Variants in NRXN3 observed in about 807,000 individuals in gnomAD.
NRXN3 encodes neurexin 3.
In NRXN3, 32 loss-of-function variants were observed where a neutral mutation model predicts 137.6. That is an observed-to-expected ratio of 0.23 (90% CI 0.18 to 0.31). The LOEUF is 0.31. Among genes scored for constraint, NRXN3 ranks in the 10% least tolerant of loss-of-function variants. The pLI is 1.00. For missense variants in NRXN3, 1,574 were observed against 2,062.5 expected (o/e 0.76, Z 4.59); for synonymous variants, 798 against 784.5 (o/e 1.02, Z -0.29).
At chr14:78,890,508 G>A (rs1481716449) in intron 10 of NRXN3, among the ~76,000 whole-genome samples, 1 of 151,780 alleles carries the variant, frequency 6.6e-6, no homozygotes, top group African/African-American at 2.4e-5. Context: ...ATGGACCAAT[G>A]TTCTCCCAGC....
intron 19 of NRXN3, among the ~76,000 whole-genome samples, chr14:79,770,144 A>G (rs1693304281): frequency 6.6e-6 from 1 of 151,802 alleles, no homozygotes; most frequent in Non-Finnish European, 1.5e-5. Context: ...GTGACCTACA[A>G]AGAGACTTAG....
At chr14:79,333,782 C>G (rs1192651006) in intron 15 of NRXN3, among the ~76,000 whole-genome samples, 2 of 152,154 alleles carry the variant, frequency 1.3e-5, no homozygotes, top group African/African-American at 2.4e-5. Flanking sequence ...ACCTGATATT[C>G]TGAGGCTTTT....
intron 8 of NRXN3, among the ~76,000 whole-genome samples, chr14:78,762,269 T>TA (rs1406537869): frequency 3.7e-4 from 56 of 152,192 alleles, no homozygotes; most frequent in African/African-American, 1.3e-3. Flanking sequence ...CCCTGCCACC[T>TA]AATGCAAAGT....
intron 16 of NRXN3, among the ~76,000 whole-genome samples, chr14:79,512,676 T>G (rs1021073305): frequency 1.3e-5 from 2 of 152,172 alleles, no homozygotes; most frequent in Non-Finnish European, 2.9e-5. Flanking sequence ...AATAGTGGGA[T>G]TGCAGTAGAC....
At chr14:78,623,612 G>C (rs2097426623) in intron 4 of NRXN3, among the ~76,000 whole-genome samples, 1 of 152,118 alleles carries the variant, frequency 6.6e-6, no homozygotes, top group African/African-American at 2.4e-5. Context: ...AGTTGCCCAG[G>C]CTGGAGTGCA....
Position 78,720,060 on chromosome 14 carries a change from T to C in NRXN3, c.2044+4921T>C, listed in dbSNP as rs540658959. Among the ~76,000 whole-genome samples the C allele has an allele frequency of 3.3e-5, 5 of 152,230 alleles. No homozygotes were observed. In the East Asian group the frequency reaches 7.7e-4, roughly 24 times the overall value. On this transcript the variant is annotated intron_variant, in intron 8 of 20. Transcript: ENST00000335750. Reference sequence around the variant, plus strand: ...CATTGAGCAGCCTTTCCTTCATATATACTGTTATATACATATACTAGATGG... The same window carrying C: ...CATTGAGCAGCCTTTCCTTCATATACACTGTTATATACATATACTAGATGG...
chr14:79,040,807 G>A (rs190427183), intron 15 of NRXN3, among the ~76,000 whole-genome samples: 102 of 152,242 alleles, frequency 6.7e-4, no homozygotes, highest in African/African-American at 2.2e-3. Flanking sequence ...GCGCATGTGG[G>A]CTCTTAGCTT....
At chr14:79,169,497 T>C (rs1463068239) in intron 15 of NRXN3, among the ~76,000 whole-genome samples, 1 of 152,138 alleles carries the variant, frequency 6.6e-6, no homozygotes, top group African/African-American at 2.4e-5. Flanking sequence ...TAATATTTTT[T>C]CACCTTTTCT....
chr14:78,907,055 A>C (rs1597239232), intron 10 of NRXN3, among the ~76,000 whole-genome samples: 1 of 152,018 alleles, frequency 6.6e-6, no homozygotes, highest in Admixed American at 6.6e-5. Flanking sequence ...AGACAAAGAA[A>C]CTACCCCATA....
chr14:79,358,603 GAA>G (rs1227282327), intron 15 of NRXN3, among the ~76,000 whole-genome samples: 2 of 87,038 alleles, frequency 2.3e-5, no homozygotes, highest in East Asian at 3.9e-4. Flanking sequence ...AAGAAAGAAA[GAA>G]AGAGAAAGAA....
At chr14:79,497,443 T>C (rs1210439504) in intron 16 of NRXN3, among the ~76,000 whole-genome samples, 4 of 152,156 alleles carry the variant, frequency 2.6e-5, no homozygotes, top group Non-Finnish European at 5.9e-5. Flanking sequence ...GTTACCTTAT[T>C]AATGAAGACT....
At chr14:79,485,928 T>A (rs2096652065) in intron 16 of NRXN3, among the ~76,000 whole-genome samples, 1 of 152,112 alleles carries the variant, frequency 6.6e-6, no homozygotes, top group Non-Finnish European at 1.5e-5. Context: ...TCCTTTAGAG[T>A]AAGATTTTCT....
chr14:78,686,203 AACTT>A (rs1230367010), intron 6 of NRXN3, among the ~76,000 whole-genome samples: 3 of 152,234 alleles, frequency 2.0e-5, no homozygotes, highest in Non-Finnish European at 4.4e-5. Context: ...TTGAATGAAT[AACTT>A]ACTTTTCTCT....
chr14:78,699,068 G>T (rs565875923), intron 6 of NRXN3, among the ~76,000 whole-genome samples: 1 of 151,976 alleles, frequency 6.6e-6, no homozygotes, highest in Non-Finnish European at 1.5e-5. Flanking sequence ...GAGAGAAAAG[G>T]CATAGGTTTC....
In NRXN3 at chr14:78,926,927, AATATATTTAT is replaced by A. The variant is rs1409838477; in HGVS notation, c.2276-30308_2276-30299del. On this transcript the variant is annotated intron_variant, in intron 10 of 20. Coordinates refer to ENST00000335750, the MANE Select transcript of NRXN3 (RefSeq NM_001330195.2). Reference sequence around the variant, plus strand: ...TATATATAATATATATATAATATATAATATATTTATATATATATATAATATATATAATATA... The same window carrying A: ...TATATATAATATATATATAATATATAATATATATATAATATATATAATATA... Among the ~76,000 whole-genome samples, 8 of 29,726 alleles carry A rather than the reference AATATATTTAT, an allele frequency of 2.7e-4. 1 individual carries two copies. The allele number at this position is 29,726 out of a possible 152,430, so 19.5% of individuals were successfully genotyped here.
chr14:79,350,727 G>A (rs1415815856), intron 15 of NRXN3, among the ~76,000 whole-genome samples: 2 of 152,000 alleles, frequency 1.3e-5, no homozygotes, highest in African/African-American at 4.8e-5. Context: ...GTTTAAAATC[G>A]GGGCCATCTC....
At chr14:79,810,133 G>T (rs1414971200) in intron 20 of NRXN3, among the ~76,000 whole-genome samples, 1 of 151,928 alleles carries the variant, frequency 6.6e-6, no homozygotes. Context: ...CAACTTCCTG[G>T]ATTTTACATT....
At chr14:78,768,855 C>T (rs1268275725) in intron 8 of NRXN3, among the ~76,000 whole-genome samples, 1 of 152,156 alleles carries the variant, frequency 6.6e-6, no homozygotes, top group Non-Finnish European at 1.5e-5. Context: ...ACCATTCTCC[C>T]AGCATTTTCA....
rs190130086 is a variant in NRXN3, at chr14:79,741,669, A to G, written c.4014+43732A>G. Among the ~76,000 whole-genome samples, 239 of 151,982 alleles carry G rather than the reference A, an allele frequency of 1.6e-3. 2 individuals are homozygous for G. The highest frequency in any genetic ancestry group is 2.9e-5 in the Non-Finnish European group (2 of 67,970). ...TCAGCTAAGTTTTTGTATTTTTAGT[A>G]GAGATGGGGTTTTGCTATGTTGGCC... On this transcript the variant is annotated intron_variant, in intron 19 of 20. Coordinates refer to ENST00000335750, the MANE Select transcript of NRXN3 (RefSeq NM_001330195.2).
Sources: gnomAD v4.1 joint callset for allele counts (sites outside exome capture counted in the v4.1 genomes callset) on GRCh38, gnomAD v4.1.1 for gene constraint, MANE v1.5 for transcripts, NCBI Gene and HGNC (gene_info 2026-07-23, HGNC 2026-07-21) for gene names.